The following IGSF11 variants were observed in gnomAD, a reference collection of about 807,000 sequenced individuals.
IGSF11 encodes CXADR like 1.
In IGSF11, 22 loss-of-function variants were observed where a neutral mutation model predicts 41.0. The ratio of observed to expected loss-of-function variants is 0.54; its 90% CI spans 0.38 to 0.77. The LOEUF (loss-of-function observed/expected upper bound fraction) is 0.77, where lower values mean the gene tolerates loss of function less well. Among genes scored for constraint, IGSF11 ranks in the 30% least tolerant of loss-of-function variants. The pLI is 0.00. For missense variants in IGSF11, 444 were observed against 530.8 expected (o/e 0.84, Z 1.61); for synonymous variants, 219 against 201.3 (o/e 1.09, Z -0.74).
chr3:119,083,528 AC>A (rs1559857720), intron 1 of IGSF11, among the ~76,000 whole-genome samples: 3,952 of 114,822 alleles, frequency 0.034, 160 homozygotes, highest in African/African-American at 0.11. Context: ...ACACACACAC[AC>A]ACACACAAAC....
At chr3:119,046,811 T>C (rs1201837028) in intron 1 of IGSF11, among the ~76,000 whole-genome samples, 1 of 151,348 alleles carries the variant, frequency 6.6e-6, no homozygotes, top group East Asian at 1.9e-4. Context: ...GCAGAAACCC[T>C]ACAAGCCAGA....
chr3:119,067,251 T>A (rs993609815), intron 1 of IGSF11, among the ~76,000 whole-genome samples: 1 of 152,174 alleles, frequency 6.6e-6, no homozygotes, highest in African/African-American at 2.4e-5. Context: ...CGGAGCTGGG[T>A]TGGAGCTGAG....
intron 1 of IGSF11, among the ~76,000 whole-genome samples, chr3:118,942,720 C>T (rs1029947145): frequency 3.3e-5 from 5 of 152,218 alleles, no homozygotes; most frequent in African/African-American, 1.2e-4. Context: ...TTCTTCTCTC[C>T]TACCTCTTCT....
upstream of IGSF11, among the ~76,000 whole-genome samples, chr3:119,105,749 A>G (rs985859615): frequency 4.6e-5 from 7 of 152,236 alleles, no homozygotes; most frequent in East Asian, 1.9e-4. Context: ...TTTTTCCTCA[A>G]TCTGGATGAG....
chr3:119,005,450 T>G (rs1246307760), intron 1 of IGSF11, among the ~76,000 whole-genome samples: 4 of 150,830 alleles, frequency 2.7e-5, no homozygotes, highest in Non-Finnish European at 5.9e-5. Context: ...ATTGGAGCAT[T>G]TAGTCCATTT....
intron 1 of IGSF11, chr3:118,983,350 A>T (rs1055418962): frequency 1.1e-4 from 17 of 152,180 alleles, no homozygotes; most frequent in African/African-American, 4.1e-4. Flanking sequence ...GCTAGCTGAG[A>T]TTCAAATCTA....
chr3:118,930,520 A>G (rs1195046063), intron 1 of IGSF11, among the ~76,000 whole-genome samples: 1 of 152,244 alleles, frequency 6.6e-6, no homozygotes, highest in Non-Finnish European at 1.5e-5. Flanking sequence ...GGAAGATGCT[A>G]TCTGATATGT....
chr3:119,144,981 G>A (rs894146994), intron 1 of IGSF11, among the ~76,000 whole-genome samples: 1 of 152,138 alleles, frequency 6.6e-6, no homozygotes, highest in Non-Finnish European at 1.5e-5. Context: ...GTATCCAATG[G>A]TGTCATGCAT....
At chr3:119,122,481 G>A (rs925878446) in intron 1 of IGSF11, among the ~76,000 whole-genome samples, 1 of 152,196 alleles carries the variant, frequency 6.6e-6, no homozygotes, top group Non-Finnish European at 1.5e-5. Flanking sequence ...AGGCCACAAG[G>A]ACTGCAACTC....
At chr3:118,930,424 A>C in intron 1 of IGSF11, 149 bp from the exon 2 acceptor site, 1 of 667,156 alleles carries the variant, frequency 1.5e-6, no homozygotes, top group South Asian at 3.9e-5. Flanking sequence ...CTGACCAGTC[A>C]CTGAGTCAAA....
chr3:119,089,708 A>C (rs1034231718), intron 1 of IGSF11, among the ~76,000 whole-genome samples: 1 of 152,202 alleles, frequency 6.6e-6, no homozygotes, highest in Non-Finnish European at 1.5e-5. Flanking sequence ...CCAGGCTGAT[A>C]AGCTAAGTCA....
Position 119,110,503 on chromosome 3 carries a change from T to G in IGSF11, c.-13-5298A>C, listed in dbSNP as rs573172660. Among the ~76,000 whole-genome samples the G allele has an allele frequency of 3.9e-5, 6 of 152,344 alleles. No individual in the cohort carries two copies. In the South Asian group the frequency reaches 1.2e-3, roughly 32 times the overall value. On this transcript the variant is annotated intron_variant, in intron 1 of 7. Transcript: ENST00000425327. ...GTGTGTCTCTGCACGTGAGATGGCT[T>G]TCCTGAATACAGCACACTGATGGGT...
chr3:118,980,264 G>C lies in IGSF11; in HGVS notation c.53-49989C>G, dbSNP rs542136262. The stretch of plus-strand genomic sequence containing the variant: ...CACTATTCATAGTAGCAAAGATATG[G>C]AATCAACCTAAGCGTACATCAACAG... On this transcript the variant is annotated intron_variant, in intron 1 of 6. Coordinates refer to ENST00000393775, the MANE Select transcript of IGSF11 (RefSeq NM_001015887.3). Among the ~76,000 whole-genome samples the C allele has an allele frequency of 6.6e-5, 10 of 152,256 alleles. No individual in the cohort carries two copies. In the South Asian group the frequency reaches 1.7e-3, roughly 25 times the overall value.
chr3:118,931,086 T>C (rs1012826444), intron 1 of IGSF11, among the ~76,000 whole-genome samples: 18 of 152,196 alleles, frequency 1.2e-4, no homozygotes, highest in African/African-American at 4.1e-4. Context: ...TATGGTCAAA[T>C]GCTTCTCAAT....
intron 1 of IGSF11, among the ~76,000 whole-genome samples, chr3:119,046,523 G>A (rs1431989412): frequency 6.6e-6 from 1 of 151,736 alleles, no homozygotes; most frequent in East Asian, 1.9e-4. Context: ...TCTGATTGGT[G>A]TACCTGAAAG....
At chr3:119,092,306 T>C (rs190432028) in intron 1 of IGSF11, among the ~76,000 whole-genome samples, 1 of 152,068 alleles carries the variant, frequency 6.6e-6, no homozygotes, top group East Asian at 1.9e-4. Context: ...ATAAATTTAG[T>C]GTAGCCTAAG....
intron 1 of IGSF11, among the ~76,000 whole-genome samples, chr3:119,139,247 T>A (rs1015571622): frequency 4.6e-5 from 7 of 152,174 alleles, no homozygotes; most frequent in African/African-American, 1.7e-4. Context: ...GATCCTGCCA[T>A]ATAAAATACT....
intron 1 of IGSF11, among the ~76,000 whole-genome samples, chr3:119,020,317 C>A (rs899572854): frequency 6.6e-6 from 1 of 152,188 alleles, no homozygotes; most frequent in African/African-American, 2.4e-5. Context: ...ACCAGGAGCA[C>A]TGCCTCAGAC....
intron 1 of IGSF11, among the ~76,000 whole-genome samples, chr3:119,013,818 G>C (rs1246114808): frequency 1.3e-5 from 2 of 152,182 alleles, no homozygotes. Context: ...AGATACAAGA[G>C]TTTTCTCATT....
Sources: gnomAD v4.1 joint callset for allele counts (sites outside exome capture counted in the v4.1 genomes callset) on GRCh38, gnomAD v4.1.1 for gene constraint, MANE v1.5 for transcripts, NCBI Gene and HGNC (gene_info 2026-07-23, HGNC 2026-07-21) for gene names.